Variants in PID1 observed in about 807,000 individuals in gnomAD.
PID1 encodes the protein PTB-containing, cubilin and LRP1-interacting protein.
PID1 carries 10 observed loss-of-function variants against 19.1 expected under a neutral mutation model. The ratio of observed to expected loss-of-function variants is 0.52; its 90% confidence interval spans 0.32 to 0.89. PID1 has a LOEUF of 0.89. PID1 is among the 40% of genes least tolerant of loss of function. PID1 has a pLI of 0.03. For missense variants in PID1, 248 were observed against 285.3 expected (o/e 0.87, Z 0.94); for synonymous variants, 130 against 116.0 (o/e 1.12, Z -0.78).
chr2:229,163,680 T>TGTGTGTGTGTGTGTGCGC, intron 1 of PID1, among the ~76,000 whole-genome samples: 1 of 103,714 alleles, frequency 9.6e-6, no homozygotes, highest in East Asian at 2.4e-4. Context: ...TGTGTGCGTG[T>TGTGTGTGTGTGTGTGCGC]GCGTGTGTGT....
rs549058370 is a variant in PID1 at position 229,059,235 on chromosome 2, C to T, written c.178-33127G>A. Among the ~76,000 whole-genome samples, 6 of 152,258 alleles carry T rather than the reference C, an allele frequency of 3.9e-5. No homozygotes were observed. The South Asian group carries it at 1.2e-3, about 32-fold the overall frequency. On this transcript the variant is annotated intron_variant, in intron 2 of 2. Coordinates refer to ENST00000392055, the MANE Select transcript of PID1 (RefSeq NM_001100818.2). ...CTGAGTTAGTTAAAGTTGTACTATA[C>T]ATTTTTAAAGTAAAAGTGAGCACAC...
At position 229,139,119 on chromosome 2, in the gene PID1, A is replaced by G. The variant is rs868703620; in HGVS notation, c.177+16699T>C. Among the ~76,000 whole-genome samples, 542 of 83,602 alleles carry G rather than the reference A, an allele frequency of 6.5e-3. 7 individuals carry two copies. The highest frequency in any genetic ancestry group is 8.4e-3 in the Non-Finnish European group (344 of 40,894). The allele number at this position is 83,602 out of a possible 152,430, so 54.8% of individuals were successfully genotyped here. A position where few individuals can be genotyped will look rare whatever the true frequency, so the allele number is the denominator to read the frequency against. ...AGAAAGAAAGAAAGAAAGAAAGAGA[A>G]AGAAAGAAAGAAAGAAAGAAAGAAA... On this transcript the variant is annotated intron_variant, in intron 2 of 2. Transcript: ENST00000392055.
chr2:229,265,514 A>T (rs1317905542), intron 1 of PID1, among the ~76,000 whole-genome samples: 1 of 152,230 alleles, frequency 6.6e-6, no homozygotes, highest in Non-Finnish European at 1.5e-5. Context: ...GTGAACACAA[A>T]ATGACAGTAG....
At chr2:229,203,998 A>G (rs926862366) in intron 1 of PID1, among the ~76,000 whole-genome samples, 16 of 152,120 alleles carry the variant, frequency 1.1e-4, no homozygotes, top group Non-Finnish European at 8.8e-5. Context: ...GTCTAATGTA[A>G]TAAACCTTAC....
intron 2 of PID1, among the ~76,000 whole-genome samples, chr2:229,082,335 G>A (rs1459849126): frequency 2.0e-5 from 3 of 152,212 alleles, no homozygotes; most frequent in African/African-American, 7.2e-5. Flanking sequence ...CACCTTCTGT[G>A]ATAGGCAGAA....
chr2:229,202,159 T>C (rs1483205381), intron 1 of PID1, among the ~76,000 whole-genome samples: 1 of 152,012 alleles, frequency 6.6e-6, no homozygotes, highest in Non-Finnish European at 1.5e-5. Context: ...AAAGCACACG[T>C]AATCCCTAAA....
At chr2:229,155,199 T>C (rs2106194778) in intron 2 of PID1, among the ~76,000 whole-genome samples, 1 of 152,308 alleles carries the variant, frequency 6.6e-6, no homozygotes, top group Admixed American at 6.5e-5. Context: ...ACAAAACTTT[T>C]CTTGTGAACT....
chr2:229,098,805 A>C (rs1293601761), intron 2 of PID1, among the ~76,000 whole-genome samples: 1 of 152,172 alleles, frequency 6.6e-6, no homozygotes, highest in Non-Finnish European at 1.5e-5. Context: ...GTTCAGAGCA[A>C]GTGAGGAGTT....
chr2:229,241,926 T>C (rs1198260554), intron 1 of PID1, among the ~76,000 whole-genome samples: 1 of 152,174 alleles, frequency 6.6e-6, no homozygotes, highest in East Asian at 1.9e-4. Flanking sequence ...TTTTCTCCCT[T>C]GTAAAATACT....
At chr2:229,078,073 TC>T (rs1310236292) in intron 2 of PID1, among the ~76,000 whole-genome samples, 3 of 152,194 alleles carry the variant, frequency 2.0e-5, no homozygotes, top group Non-Finnish European at 4.4e-5. Flanking sequence ...CTCTCTTATG[TC>T]CTTGAGCAGT....
intron 1 of PID1, among the ~76,000 whole-genome samples, chr2:229,226,532 C>G (rs534072428): frequency 6.6e-6 from 1 of 152,300 alleles, no homozygotes. Context: ...GCTGGACTTC[C>G]AAGCTCCAGT....
At chr2:229,167,924 C>A (rs1690633955) in intron 1 of PID1, among the ~76,000 whole-genome samples, 1 of 151,942 alleles carries the variant, frequency 6.6e-6, no homozygotes, top group Non-Finnish European at 1.5e-5. Flanking sequence ...TCAAATAATA[C>A]TTTTTAGAAC....
rs1695656761 is a variant in PID1, at chr2:229,127,926, T to C, written c.177+27892A>G. Among the ~76,000 whole-genome samples the C allele has an allele frequency of 2.0e-5, 3 of 152,230 alleles. No homozygotes were observed. In the South Asian group the frequency reaches 6.2e-4, roughly 31 times the overall value. ...GGAAAACTGCCAAATACCTGCTCTT[T>C]GGCTTCCCTTTGTCCAGCCACCATG... On this transcript the variant is annotated intron_variant, in intron 2 of 2. Coordinates refer to ENST00000392055, the MANE Select transcript of PID1 (RefSeq NM_001100818.2).
At chr2:229,141,419 T>C (rs114535331) in intron 2 of PID1, among the ~76,000 whole-genome samples, 227 of 152,218 alleles carry the variant, frequency 1.5e-3, no homozygotes, top group African/African-American at 5.2e-3. Context: ...GGGACTTTTA[T>C]CCACAAGCAA....
intron 2 of PID1, among the ~76,000 whole-genome samples, chr2:229,031,464 G>A (rs1693554027): frequency 6.6e-6 from 1 of 151,818 alleles, no homozygotes; most frequent in Admixed American, 6.6e-5. Flanking sequence ...GGCTGAGCAG[G>A]AGAACTGCTT....
intron 1 of PID1, chr2:229,228,034 T>C (rs1407498479): frequency 2.2e-6 from 1 of 455,852 alleles, no homozygotes. Context: ...GAGGGACAAG[T>C]GTATTGTGAC....
chr2:229,186,550 T>C (rs1691136956), intron 1 of PID1, among the ~76,000 whole-genome samples: 1 of 152,190 alleles, frequency 6.6e-6, no homozygotes, highest in South Asian at 2.1e-4. Flanking sequence ...GCCCAAGCTC[T>C]ATGTTGGCCC....
chr2:229,268,496 T>C (rs547302442), intron 1 of PID1, among the ~76,000 whole-genome samples: 24 of 152,320 alleles, frequency 1.6e-4, no homozygotes, highest in Non-Finnish European at 1.5e-4. Flanking sequence ...TGATTCTAGG[T>C]ATTGATAAAA....
intron 2 of PID1, among the ~76,000 whole-genome samples, chr2:229,140,260 T>A (rs566340777): frequency 6.6e-6 from 1 of 152,246 alleles, no homozygotes; most frequent in South Asian, 2.1e-4. Flanking sequence ...CACCAATCCA[T>A]TTGTCATATA....
Sources: gnomAD v4.1 joint callset for allele counts (sites outside exome capture counted in the v4.1 genomes callset) on GRCh38, gnomAD v4.1.1 for gene constraint, MANE v1.5 for transcripts, NCBI Gene and HGNC (gene_info 2026-07-23, HGNC 2026-07-21) for gene names.